The following C12orf56 variants were observed in gnomAD, a reference collection of about 807,000 sequenced individuals.
C12orf56 encodes uncharacterized protein C12orf56.
In C12orf56, 71 loss-of-function variants were observed where a neutral mutation model predicts 69.9. That is an observed-to-expected ratio of 1.02 (90% CI 0.84 to 1.24). C12orf56 has a LOEUF of 1.24. Among genes scored for constraint, C12orf56 ranks in the 50% most tolerant of loss-of-function variants. C12orf56 has a pLI of 0.00. For missense variants in C12orf56, 732 were observed against 738.5 expected, an observed-to-expected ratio of 0.99 and a Z score of 0.10; for synonymous variants, 276 against 274.1, an observed-to-expected ratio of 1.01 and a Z score of -0.07.
At chr12:64,306,345 T>A (rs1032601707) in intron 5 of C12orf56, among the ~76,000 whole-genome samples, 1 of 151,516 alleles carries the variant, frequency 6.6e-6, no homozygotes, top group African/African-American at 2.4e-5. Flanking sequence ...AAATCTATAC[T>A]AATGTTAACA....
chr12:64,280,418 A>G (rs1024663334), intron 8 of C12orf56, among the ~76,000 whole-genome samples: 4 of 152,218 alleles, frequency 2.6e-5, no homozygotes, highest in Non-Finnish European at 5.9e-5. Context: ...TGAAGGCCAC[A>G]TCGATAGTCT....
In C12orf56 at chr12:64,316,128, A is replaced by G. The variant is rs146739195; in HGVS notation, c.894+2447T>C. The stretch of plus-strand genomic sequence containing the variant: ...TTATTTTATATATTTTTTTTCAGAC[A>G]GAGTCTCACTGTATTACACAGGCTG... On this transcript the variant is annotated intron_variant, in intron 4 of 12. Coordinates refer to ENST00000543942, the MANE Select transcript of C12orf56 (RefSeq NM_001170633.2). Among the ~76,000 whole-genome samples, 738 of 151,990 alleles carry G rather than the reference A, an allele frequency of 4.9e-3. 4 individuals are homozygous for G. The highest frequency in any genetic ancestry group is 0.017 in the African/African-American group (691 of 41,494).
rs1487079027 is a variant in C12orf56 at position 64,270,440 on chromosome 12, C to T, written c.1763+96G>A. On this transcript the variant is annotated intron_variant, in intron 12 of 12. Coordinates refer to ENST00000543942, the MANE Select transcript of C12orf56 (RefSeq NM_001170633.2). ...AACAAAAAAGAATTCCTGATAAATA[C>T]CTAATCTTCTAAATATTGGACCATG... 3 of 1,048,102 alleles carry T rather than the reference C, an allele frequency of 2.9e-6. 1 individual carries two copies. Among genetic ancestry groups the T allele is most frequent in the African/African-American group, 1.6e-5 (1 of 60,970 alleles). The allele number at this position is 1,048,102 out of a possible 1,614,324, so 64.9% of individuals were successfully genotyped here.
rs1212204087 is a variant in C12orf56 at position 64,303,762 on chromosome 12, T to A, written c.986A>T (p.Lys329Met). The part of the protein sequence containing the change: ...QKPYRSEEKI[K>M]HFSQLKSELF... ...TTCAGATTTAAGTTGACTGAAGTGC[T>A]TAATTTTCTCCTCAGACCTACAGAA... The change falls in exon 6 of 13, where the codon AAG becomes ATG. Residue 329 changes from lysine to methionine, a missense_variant. Transcript: ENST00000543942. 5 of 1,587,948 alleles carry A rather than the reference T, an allele frequency of 3.1e-6. No homozygotes were observed. Among genetic ancestry groups the A allele is most frequent in the Non-Finnish European group, 4.3e-6 (5 of 1,169,852 alleles).
At chr12:64,329,493 GTTTATTTATTTA>G (rs148485048) in intron 3 of C12orf56, among the ~76,000 whole-genome samples, 253 of 147,970 alleles carry the variant, frequency 1.7e-3, no homozygotes, top group East Asian at 7.9e-3. Context: ...TGTAGTAATG[GTTTATTTATTTA>G]TTTATTTATT....
intron 5 of C12orf56, 127 bp from the exon 6 acceptor site, chr12:64,303,906 C>A: frequency 8.9e-7 from 1 of 1,120,566 alleles, no homozygotes; most frequent in Non-Finnish European, 1.2e-6. Flanking sequence ...GTTTTATTCT[C>A]CTAGCCTTAA....
chr12:64,323,116 C>T (rs17223130), intron 3 of C12orf56, among the ~76,000 whole-genome samples: 4 of 151,912 alleles, frequency 2.6e-5, no homozygotes, highest in South Asian at 2.1e-4. Flanking sequence ...GTCAGTGACT[C>T]GTGTGCTGCC....
intron 6 of C12orf56, among the ~76,000 whole-genome samples, chr12:64,286,533 C>A (rs568620564): frequency 6.6e-5 from 10 of 152,284 alleles, no homozygotes; most frequent in Admixed American, 1.3e-4. Flanking sequence ...TGGTGCAGAA[C>A]AATATTGATT....
chr12:64,368,513 C>A lies in C12orf56; in HGVS notation c.253-15457G>T, dbSNP rs189514834. Among the ~76,000 whole-genome samples, 370 of 152,110 alleles carry A rather than the reference C, an allele frequency of 2.4e-3. 2 individuals are homozygous for A. The highest frequency in any genetic ancestry group is 4.6e-3 in the Non-Finnish European group (315 of 67,980). ...GAAAGCCTAAAAAATGAATTTAACA[C>A]AAAATAATGTACACAGGTCAGGATT... On this transcript the variant is annotated intron_variant, in intron 1 of 12. Coordinates refer to ENST00000543942, the MANE Select transcript of C12orf56 (RefSeq NM_001170633.2).
At chr12:64,277,885 A>C in intron 8 of C12orf56, 82 bp from the exon 9 acceptor site, 1 of 1,145,476 alleles carries the variant, frequency 8.7e-7, no homozygotes, top group Non-Finnish European at 1.2e-6. Context: ...AACACTGGAT[A>C]TAATTATGTT....
chr12:64,375,088 G>C (rs1231182809), intron 1 of C12orf56, among the ~76,000 whole-genome samples: 7 of 149,210 alleles, frequency 4.7e-5, no homozygotes, highest in African/African-American at 1.7e-4. Flanking sequence ...TTTATTTTTT[G>C]AGAGGGAGTC....
intron 1 of C12orf56, among the ~76,000 whole-genome samples, chr12:64,369,407 G>A (rs2135971267): frequency 6.6e-6 from 1 of 151,948 alleles, no homozygotes; most frequent in South Asian, 2.1e-4. Flanking sequence ...CATATTGGCC[G>A]GGCTGGTCTT....
At chr12:64,358,591 C>T (rs555745926) in intron 1 of C12orf56, among the ~76,000 whole-genome samples, 1 of 151,296 alleles carries the variant, frequency 6.6e-6, no homozygotes, top group African/African-American at 2.4e-5. Context: ...GTCAGGAGTT[C>T]GAGACCAGCC....
intron 4 of C12orf56, among the ~76,000 whole-genome samples, chr12:64,318,246 G>T (rs2038714840): frequency 6.6e-6 from 1 of 151,872 alleles, no homozygotes; most frequent in Non-Finnish European, 1.5e-5. Context: ...TTTTTTAGTA[G>T]CGACAAGGGT....
intron 3 of C12orf56, among the ~76,000 whole-genome samples, chr12:64,324,253 G>A (rs759178860): frequency 2.0e-5 from 3 of 152,198 alleles, no homozygotes; most frequent in African/African-American, 4.8e-5. Context: ...ATATATCAGT[G>A]CACAAGAATA....
At chr12:64,328,697 AAAAAAAAAAATATATATATATAT>A (rs1369019318) in intron 3 of C12orf56, among the ~76,000 whole-genome samples, 18 of 24,086 alleles carry the variant, frequency 7.5e-4, no homozygotes, top group African/African-American at 1.7e-3. Flanking sequence ...AAAAAAAAAA[AAAAAAAAAAATATATATATATAT>A]ATATATATAT....
chr12:64,380,756 A>C lies in C12orf56; in HGVS notation c.252+9558T>G, dbSNP rs188995864. Among the ~76,000 whole-genome samples, 387 of 152,306 alleles carry C rather than the reference A, an allele frequency of 2.5e-3. 2 individuals carry two copies. Among genetic ancestry groups the C allele is most frequent in the African/African-American group, 8.8e-3 (367 of 41,562 alleles). ...CTCGAGTGTTCTAGGTAGAAAGGCA[A>C]GTACAAAGGTCCTGAGGTATAGAAG... On this transcript the variant is annotated intron_variant, in intron 1 of 12. Transcript: ENST00000543942.
chr12:64,305,571 T>G (rs1191669766), intron 5 of C12orf56, among the ~76,000 whole-genome samples: 1 of 152,070 alleles, frequency 6.6e-6, no homozygotes, highest in Non-Finnish European at 1.5e-5. Context: ...TTAGTAGAGA[T>G]GAGGTTTCAC....
chr12:64,318,208 G>A (rs1202303868), intron 4 of C12orf56, among the ~76,000 whole-genome samples: 3 of 151,884 alleles, frequency 2.0e-5, no homozygotes, highest in Admixed American at 6.6e-5. Flanking sequence ...TTACCGGCGC[G>A]CACCACCACA....
Sources: gnomAD v4.1 joint callset for allele counts (sites outside exome capture counted in the v4.1 genomes callset) on GRCh38, gnomAD v4.1.1 for gene constraint, MANE v1.5 for transcripts, NCBI Gene and HGNC (gene_info 2026-07-23, HGNC 2026-07-21) for gene names.